ARID1B: variants seen among roughly 807,000 people sequenced by gnomAD.
The protein encoded by ARID1B is AT-rich interactive domain-containing protein 1B.
Under a neutral mutation model 212.3 loss-of-function variants are expected in ARID1B, and 30 were observed. The ratio of observed to expected loss-of-function variants is 0.14; its 90% CI spans 0.11 to 0.19. The LOEUF is 0.19. Among genes scored for constraint, ARID1B ranks in the 10% least tolerant of loss-of-function variants. The pLI is 1.00. For synonymous variants in ARID1B, 1,402 were observed against 1,301.7 expected, an observed-to-expected ratio of 1.08 and a Z score of -1.66; for missense variants, 2,891 against 3,204.0, an observed-to-expected ratio of 0.90 and a Z score of 2.36.
chr6:156,931,682 G>A (rs1562492467), intron 3 of ARID1B, among the ~76,000 whole-genome samples: 1 of 152,030 alleles, frequency 6.6e-6, no homozygotes, highest in Non-Finnish European at 1.5e-5. Flanking sequence ...AATAAATTAG[G>A]CCGGGCACGG....
At chr6:157,127,927 A>G (rs1788253189) in intron 6 of ARID1B, among the ~76,000 whole-genome samples, 1 of 148,474 alleles carries the variant, frequency 6.7e-6, no homozygotes, top group Admixed American at 6.8e-5. Flanking sequence ...GCTCCACTGC[A>G]CTCCAGCCTA....
intron 1 of ARID1B, among the ~76,000 whole-genome samples, chr6:156,815,943 A>C (rs1781934654): frequency 6.6e-6 from 1 of 152,222 alleles, no homozygotes; most frequent in Admixed American, 6.5e-5. Context: ...GGCAGGTTTG[A>C]GTTCAACCAA....
At chr6:156,875,117 C>T (rs1425325037) in intron 2 of ARID1B, among the ~76,000 whole-genome samples, 1 of 152,190 alleles carries the variant, frequency 6.6e-6, no homozygotes, top group Admixed American at 6.5e-5. Context: ...AGAGTAGTGT[C>T]TAGATATATA....
Position 157,127,802 on chromosome 6 carries a change from A to C in ARID1B, c.2582-5226A>C, listed in dbSNP as rs570437205. Among the ~76,000 whole-genome samples, 709 of 144,886 alleles carry C rather than the reference A, an allele frequency of 4.9e-3. 7 individuals carry two copies. Among genetic ancestry groups the C allele is most frequent in the Middle Eastern group, 0.021 (6 of 290 alleles). On this transcript the variant is annotated intron_variant, in intron 6 of 19. Coordinates refer to ENST00000636930, the MANE Select transcript of ARID1B (RefSeq NM_001374828.1). ...CTGTCTCAAAAAAAAAAAAAAAAAA[A>C]AAAACAAAAATTAGCCAGGCATGGT...
chr6:156,864,688 G>A (rs758882714), intron 2 of ARID1B, among the ~76,000 whole-genome samples: 1 of 152,170 alleles, frequency 6.6e-6, no homozygotes, highest in Non-Finnish European at 1.5e-5. Context: ...GCTCCTTGAA[G>A]TTTTAGGCTT....
At chr6:156,864,894 G>A (rs1785575850) in intron 2 of ARID1B, among the ~76,000 whole-genome samples, 1 of 151,978 alleles carries the variant, frequency 6.6e-6, no homozygotes, top group Non-Finnish European at 1.5e-5. Flanking sequence ...ATAAACTGTT[G>A]TTTTCCTTTT....
chr6:157,014,456 A>T (rs926144333), intron 4 of ARID1B, among the ~76,000 whole-genome samples: 3 of 152,228 alleles, frequency 2.0e-5, no homozygotes, highest in Non-Finnish European at 2.9e-5. Flanking sequence ...CTATCATATG[A>T]GTTTTAAAAT....
chr6:156,851,047 G>A (rs1036524840), intron 2 of ARID1B, among the ~76,000 whole-genome samples: 1 of 152,178 alleles, frequency 6.6e-6, no homozygotes, highest in African/African-American at 2.4e-5. Context: ...TGAATGTTCT[G>A]TGTGGTTATA....
intron 4 of ARID1B, among the ~76,000 whole-genome samples, chr6:156,975,217 G>A (rs1243561850): frequency 6.6e-6 from 1 of 152,120 alleles, no homozygotes; most frequent in Non-Finnish European, 1.5e-5. Context: ...TGTGACTGGG[G>A]TTTTAATTTG....
Position 156,935,176 on chromosome 6 carries a change from C to T in ARID1B, c.2137-290C>T, listed in dbSNP as rs9372028. Among the ~76,000 whole-genome samples the T allele has an allele frequency of 0.18, 27,715 of 151,436 alleles. 2,705 individuals are homozygous for T. The highest frequency in any genetic ancestry group is 0.35 in the East Asian group (1,791 of 5,138). On this transcript the variant is annotated intron_variant, in intron 3 of 19. Transcript: ENST00000636930. ...CGGTGCAGTCAAAGTTCACTGCAGC[C>T]TCCACCTCCAGGCTCAAGCTATCCT...
At chr6:157,116,172 A>G (rs964076679) in intron 6 of ARID1B, among the ~76,000 whole-genome samples, 3 of 152,236 alleles carry the variant, frequency 2.0e-5, no homozygotes, top group Non-Finnish European at 2.9e-5. Flanking sequence ...TAGATAAATA[A>G]GTATAATAAT....
chr6:156,784,800 C>T (rs1779520904), intron 1 of ARID1B, among the ~76,000 whole-genome samples: 1 of 152,152 alleles, frequency 6.6e-6, no homozygotes, highest in South Asian at 2.1e-4. Flanking sequence ...CACTTTGCCA[C>T]CCAGGTTGGA....
chr6:156,922,419 C>T (rs144894821), intron 3 of ARID1B, among the ~76,000 whole-genome samples: 9 of 152,068 alleles, frequency 5.9e-5, no homozygotes, highest in Admixed American at 5.2e-4. Context: ...GTGATCCGCC[C>T]GCCTCGGCCT....
chr6:157,139,941 C>G (rs1421042703), intron 7 of ARID1B, among the ~76,000 whole-genome samples: 1 of 151,746 alleles, frequency 6.6e-6, no homozygotes, highest in East Asian at 2.0e-4. Context: ...CCAAGCTGGC[C>G]TCAAATTCCT....
intron 11 of ARID1B, among the ~76,000 whole-genome samples, chr6:157,179,189 ACT>A (rs1419375954): frequency 1.3e-5 from 2 of 152,116 alleles, no homozygotes; most frequent in African/African-American, 4.8e-5. Context: ...GAAGAAAAAA[ACT>A]CTATACTAAA....
intron 4 of ARID1B, among the ~76,000 whole-genome samples, chr6:157,004,056 C>G (rs1405192904): frequency 6.6e-6 from 1 of 151,758 alleles, no homozygotes; most frequent in Non-Finnish European, 1.5e-5. Context: ...CAAATAAAAA[C>G]AAAAAACAAT....
chr6:156,959,840 C>T (rs1462407529), intron 4 of ARID1B, among the ~76,000 whole-genome samples: 1 of 151,968 alleles, frequency 6.6e-6, no homozygotes, highest in African/African-American at 2.4e-5. Context: ...GTCTGCACAC[C>T]AGGCTGCTCT....
chr6:157,050,192 A>G (rs542490541), intron 4 of ARID1B, among the ~76,000 whole-genome samples: 5 of 152,248 alleles, frequency 3.3e-5, no homozygotes, highest in South Asian at 4.1e-4. Flanking sequence ...TATATCATCA[A>G]TGAAACCCCC....
intron 11 of ARID1B, among the ~76,000 whole-genome samples, chr6:157,179,997 ATAAAG>A (rs773503368): frequency 2.3e-4 from 35 of 152,360 alleles, no homozygotes; most frequent in South Asian, 1.7e-3. Context: ...GTATGCATAA[ATAAAG>A]TAAATTATTG....
Sources: allele counts gnomAD v4.1 joint callset (sites outside exome capture counted in the v4.1 genomes callset), GRCh38; gene constraint gnomAD v4.1.1; transcripts MANE v1.5; gene names NCBI Gene and HGNC (gene_info 2026-07-23, HGNC 2026-07-21).